Variants in SNX7 observed in about 807,000 individuals in gnomAD.
SNX7 encodes the protein sorting nexin 7.
A neutral mutation model predicts 48.4 loss-of-function variants in SNX7; 35 were observed. That is an observed-to-expected ratio of 0.72 (90% confidence interval 0.55 to 0.96). The LOEUF is 0.96. Among genes scored for constraint, SNX7 ranks in the 40% least tolerant of loss-of-function variants. The pLI, the probability that SNX7 is intolerant of heterozygous loss-of-function variation, is 0.00. For synonymous variants in SNX7, 190 were observed against 190.2 expected, an observed-to-expected ratio of 1.00 and a Z score of 0.01; for missense variants, 553 against 548.9, an observed-to-expected ratio of 1.01 and a Z score of -0.07.
In SNX7 at chr1:98,695,502, G is replaced by C; in HGVS notation, c.640-16G>C. ...GAGACTTGTTTCACTAGAAATACTT[G>C]GTTTTTTGTTTCTAGGAACTCTCTT... On this transcript the variant is annotated splice_polypyrimidine_tract_variant and intron_variant, in intron 4 of 8. Transcript: ENST00000306121. 6.2e-7 allele frequency: 1 copy of C among 1,608,150 alleles called. No homozygotes were observed.
rs1649237673 is a variant in SNX7 at position 98,661,817 on chromosome 1, C to T, written c.86C>T (p.Ala29Val). Residue 29 changes from alanine to valine, a missense_variant, in exon 1 of 9, where the codon GCC (alanine) becomes GTC (valine). Transcript: ENST00000306121. ...AACGGGGAGAGCCCGGGGGGCGGCG[C>T]CCCCTTTCCGGGCAGCAGTGGCTCT... is the stretch of plus-strand genomic sequence containing the variant. ...GANGESPGGG[A>V]PFPGSSGSSA... 2 of 1,245,720 alleles carry T rather than the reference C, an allele frequency of 1.6e-6. No homozygotes were observed. The highest frequency in any genetic ancestry group is 2.0e-6 in the Non-Finnish European group (2 of 987,250). The allele number at this position is 1,245,720 out of a possible 1,614,324, so 77.2% of individuals were successfully genotyped here. A position where few individuals can be genotyped will look rare whatever the true frequency, so the allele number is the denominator to read the frequency against.
chr1:98,712,298 A>G (rs985016101), intron 7 of SNX7, among the ~76,000 whole-genome samples: 1 of 152,198 alleles, frequency 6.6e-6, no homozygotes, highest in African/African-American at 2.4e-5. Flanking sequence ...CCATCAAGGG[A>G]ATCACAATCT....
chr1:98,725,108 A>C (rs1370857366), intron 7 of SNX7, among the ~76,000 whole-genome samples: 1 of 152,206 alleles, frequency 6.6e-6, no homozygotes, highest in Non-Finnish European at 1.5e-5. Context: ...CCTCATGGGC[A>C]ATGCAAACTC....
intron 8 of SNX7, among the ~76,000 whole-genome samples, chr1:98,755,326 C>T (rs1654789406): frequency 6.6e-6 from 1 of 151,980 alleles, no homozygotes; most frequent in Non-Finnish European, 1.5e-5. Flanking sequence ...TAGTGTGGTT[C>T]AGATCTTATA....
At chr1:98,710,728 C>G (rs1051732704) in intron 7 of SNX7, among the ~76,000 whole-genome samples, 3 of 152,178 alleles carry the variant, frequency 2.0e-5, no homozygotes, top group African/African-American at 7.2e-5. Flanking sequence ...ACTCCTGGCC[C>G]TGCCTGGGCA....
At chr1:98,732,497 T>TA (rs1653564120) in intron 7 of SNX7, among the ~76,000 whole-genome samples, 1 of 152,120 alleles carries the variant, frequency 6.6e-6, no homozygotes, top group Non-Finnish European at 1.5e-5. Flanking sequence ...AAGGTGAACA[T>TA]AGAGTAGCGA....
chr1:98,668,636 A>G (rs569214070), intron 1 of SNX7, among the ~76,000 whole-genome samples: 1 of 152,202 alleles, frequency 6.6e-6, no homozygotes, highest in Non-Finnish European at 1.5e-5. Flanking sequence ...TCTGTTAACC[A>G]TGGCCTGTGA....
chr1:98,747,166 G>A (rs1482127242), intron 8 of SNX7, among the ~76,000 whole-genome samples: 1 of 152,088 alleles, frequency 6.6e-6, no homozygotes, highest in African/African-American at 2.4e-5. Context: ...TTATGTGCTT[G>A]TATGGTTGTG....
In SNX7 at chr1:98,730,509, T is replaced by G. The variant is rs1259339706; in HGVS notation, c.1126-7728T>G. On this transcript the variant is annotated intron_variant, in intron 7 of 8. Coordinates refer to ENST00000306121, the MANE Select transcript of SNX7 (RefSeq NM_015976.5). ...CGAGCCTATATCTAGAAAACCTCAT[T>G]GTCTCAGCTGAAAAGCTTCTTAAGC... is the stretch of plus-strand genomic sequence containing the variant. Among the ~76,000 whole-genome samples the G allele has an allele frequency of 2.6e-5, 4 of 152,056 alleles. 1 individual carries two copies. Among genetic ancestry groups the G allele is most frequent in the Non-Finnish European group, 2.9e-5 (2 of 68,022 alleles).
At chr1:98,666,209 A>G in intron 1 of SNX7, among the ~76,000 whole-genome samples, 1 of 152,214 alleles carries the variant, frequency 6.6e-6, no homozygotes, top group African/African-American at 2.4e-5. Flanking sequence ...TATTTATGGA[A>G]TTATTGGCAG....
intron 5 of SNX7, among the ~76,000 whole-genome samples, chr1:98,696,279 T>C (rs1651453652): frequency 6.6e-6 from 1 of 151,960 alleles, no homozygotes; most frequent in African/African-American, 2.4e-5. Context: ...CATTAAAAAA[T>C]AGATAACTGA....
chr1:98,698,731 T>C lies in SNX7; in HGVS notation c.864T>C (p.Tyr288=), dbSNP rs1025370508. The C allele has an allele frequency of 2.1e-5, 34 of 1,612,558 alleles. No individual in the cohort carries two copies. The highest frequency in any genetic ancestry group is 2.5e-5 in the Non-Finnish European group (30 of 1,179,174). The stretch of plus-strand genomic sequence containing the variant: ...AATATTTTGATGAAATGAAAGAATA[T>C]GGCCCAATTCATATTCTGTGGTCAG... ...EREYFDEMKE[Y]GPIHILWSAS... Residue 288 remains tyrosine (Y), a synonymous_variant, in exon 6 of 9, where the codon TAT becomes TAC. Transcript: ENST00000306121.
At chr1:98,686,846 ATT>A (rs1650828224) in intron 2 of SNX7, among the ~76,000 whole-genome samples, 1 of 152,068 alleles carries the variant, frequency 6.6e-6, no homozygotes. Context: ...ATAATTATCT[ATT>A]GTCATTATCC....
chr1:98,758,597 A>G (rs1273314757), intron 8 of SNX7, among the ~76,000 whole-genome samples: 1 of 152,096 alleles, frequency 6.6e-6, no homozygotes, highest in South Asian at 2.1e-4. Context: ...AGCAAAAAGT[A>G]TCCCTTAAAG....
At chr1:98,679,282 G>A (rs1055157418) in intron 1 of SNX7, among the ~76,000 whole-genome samples, 4 of 152,146 alleles carry the variant, frequency 2.6e-5, no homozygotes, top group African/African-American at 9.7e-5. Context: ...AGAACAGCAT[G>A]TGAAGACCTG....
At chr1:98,734,966 C>A (rs1291287797) in intron 7 of SNX7, among the ~76,000 whole-genome samples, 1 of 152,098 alleles carries the variant, frequency 6.6e-6, no homozygotes, top group Non-Finnish European at 1.5e-5. Flanking sequence ...CTAGCCCAGT[C>A]TTTTCCATGC....
At chr1:98,674,503 C>T (rs1182604375) in intron 1 of SNX7, among the ~76,000 whole-genome samples, 1 of 152,090 alleles carries the variant, frequency 6.6e-6, no homozygotes, top group African/African-American at 2.4e-5. Flanking sequence ...AGATAGCAGT[C>T]GTAATTGGAT....
chr1:98,747,541 T>C (rs1010695600), intron 8 of SNX7, among the ~76,000 whole-genome samples: 5 of 152,154 alleles, frequency 3.3e-5, no homozygotes, highest in African/African-American at 1.2e-4. Flanking sequence ...GGTCCTTAGA[T>C]GACTGAAAGA....
chr1:98,676,286 A>C (rs1650160751), intron 1 of SNX7, among the ~76,000 whole-genome samples: 1 of 152,136 alleles, frequency 6.6e-6, no homozygotes, highest in Non-Finnish European at 1.5e-5. Flanking sequence ...GTATTCTATC[A>C]TATGGATAGA....
Sources: allele counts gnomAD v4.1 joint callset (sites outside exome capture counted in the v4.1 genomes callset), GRCh38; gene constraint gnomAD v4.1.1; transcripts MANE v1.5; gene names NCBI Gene and HGNC (gene_info 2026-07-23, HGNC 2026-07-21).